TNFSF8: variants seen among roughly 807,000 people sequenced by gnomAD.
TNFSF8 encodes the protein TNF superfamily member 8.
A neutral mutation model predicts 22.0 loss-of-function variants in TNFSF8; 4 were observed. The ratio of observed to expected loss-of-function variants is 0.18; its 90% confidence interval spans 0.09 to 0.42. The LOEUF (loss-of-function observed/expected upper bound fraction) is 0.42. Among genes scored for constraint, TNFSF8 ranks in the 10% least tolerant of loss-of-function variants. The pLI is 1.00. For synonymous variants in TNFSF8, 106 were observed against 112.5 expected (o/e 0.94, Z 0.37); for missense variants, 233 against 281.8 (o/e 0.83, Z 1.24).
intron 1 of TNFSF8, among the ~76,000 whole-genome samples, chr9:114,919,296 G>T (rs922211598): frequency 1.3e-5 from 2 of 151,824 alleles, no homozygotes; most frequent in Admixed American, 6.6e-5. Flanking sequence ...TATTTATTCT[G>T]TAATAAATAT....
chr9:114,895,380 GCAAA>G (rs1329597869), intron 4 of TNFSF8, among the ~76,000 whole-genome samples: 3 of 152,178 alleles, frequency 2.0e-5, no homozygotes, highest in East Asian at 3.8e-4. Flanking sequence ...ACTGCATCTC[GCAAA>G]CAGTCAGTTG....
chr9:114,921,513 T>TA (rs1327458949), intron 1 of TNFSF8, among the ~76,000 whole-genome samples: 1 of 152,196 alleles, frequency 6.6e-6, no homozygotes, highest in African/African-American at 2.4e-5. Context: ...CCCTCTCCCA[T>TA]AAGCAGTCCC....
rs371662866 is a variant in TNFSF8 at position 114,903,917 on chromosome 9, C to G, written c.*14G>C. On this transcript the variant is annotated 3_prime_UTR_variant, in exon 4 of 4. Coordinates refer to ENST00000223795, the MANE Select transcript of TNFSF8 (RefSeq NM_001244.4). The stretch of plus-strand genomic sequence containing the variant: ...TAGAGAGGCGCTTTCTTCCTGAAGG[C>G]CAAGAGAAACTGTTCAGTCTGAATT... The G allele has an allele frequency of 1.3e-6, 2 of 1,591,942 alleles. No homozygotes were observed. The highest frequency in any genetic ancestry group is 1.7e-6 in the Non-Finnish European group (2 of 1,168,940).
chr9:114,913,085 A>G (rs1008681297), intron 2 of TNFSF8, among the ~76,000 whole-genome samples: 4 of 152,178 alleles, frequency 2.6e-5, no homozygotes, highest in African/African-American at 7.2e-5. Context: ...CCTGAGAGGG[A>G]AAGTGAATTG....
chr9:114,918,499 G>A (rs1047723246), intron 1 of TNFSF8, among the ~76,000 whole-genome samples: 7 of 151,684 alleles, frequency 4.6e-5, no homozygotes, highest in Non-Finnish European at 1.0e-4. Context: ...ACCCATGCTG[G>A]AGTGCAGTGG....
intron 2 of TNFSF8, among the ~76,000 whole-genome samples, chr9:114,916,305 G>A (rs1156583992): frequency 1.3e-5 from 2 of 152,174 alleles, no homozygotes; most frequent in African/African-American, 4.8e-5. Flanking sequence ...ACTTTGGACT[G>A]ATGAAAACTT....
rs920755745 is a variant in TNFSF8, at chr9:114,927,261, G to T, written c.195+2848C>A. 2.6e-5 allele frequency among the ~76,000 whole-genome samples: 4 copies of T among 151,164 alleles called. No individual in the cohort carries two copies. In the South Asian group the frequency reaches 6.3e-4, roughly 24 times the overall value. On this transcript the variant is annotated intron_variant, in intron 1 of 3. Coordinates refer to ENST00000223795, the MANE Select transcript of TNFSF8 (RefSeq NM_001244.4). ...GTAACTCAAAGACAGGGATTTTGTT[G>T]TTTTTTTTCAAGGCTTTAGAACAAT...
At chr9:114,893,978 G>A in exon 5 of TNFSF8, 1 of 951,644 alleles carries the variant, frequency 1.1e-6, no homozygotes, top group South Asian at 1.4e-5. Context: ...GTCGGTTTAG[G>A]CCCAGAGTGA....
downstream of TNFSF8, among the ~76,000 whole-genome samples, chr9:114,899,104 G>A (rs1337229496): frequency 2.6e-5 from 4 of 152,182 alleles, no homozygotes; most frequent in Non-Finnish European, 5.9e-5. Flanking sequence ...AAACGAAGCT[G>A]CAGAAAAACC....
At chr9:114,914,795 A>G (rs914193347) in intron 2 of TNFSF8, among the ~76,000 whole-genome samples, 1 of 152,184 alleles carries the variant, frequency 6.6e-6, no homozygotes, top group African/African-American at 2.4e-5. Context: ...TTCCTGGCTT[A>G]CTGCCTGTGA....
intron 3 of TNFSF8, among the ~76,000 whole-genome samples, chr9:114,905,491 T>C (rs3181197): frequency 0.57 from 86,366 of 151,166 alleles, 26,637 homozygotes; most frequent in African/African-American, 0.8. Flanking sequence ...TTTGCTGAAA[T>C]TGGTAGGTAG....
intron 2 of TNFSF8, 40 bp downstream of exon 2, chr9:114,918,056 A>AT: frequency 6.4e-7 from 1 of 1,566,064 alleles, no homozygotes; most frequent in Non-Finnish European, 8.6e-7. Context: ...ATTTATCTAG[A>AT]TGACTTACTA....
At chr9:114,907,775 A>G (rs751935714) in intron 2 of TNFSF8, among the ~76,000 whole-genome samples, 2 of 152,250 alleles carry the variant, frequency 1.3e-5, no homozygotes, top group Admixed American at 6.5e-5. Flanking sequence ...AGTATGCTAC[A>G]TGCATTATTT....
chr9:114,928,310 T>A (rs1489617919), intron 1 of TNFSF8, among the ~76,000 whole-genome samples: 1 of 152,184 alleles, frequency 6.6e-6, no homozygotes, highest in Non-Finnish European at 1.5e-5. Context: ...CATCAAGCAA[T>A]CAAGCAGTAT....
rs980810270 is a variant in TNFSF8 at position 114,930,336 on chromosome 9, T to C, written c.-33A>G. 1 of 1,412,196 alleles carries C rather than the reference T, an allele frequency of 7.1e-7. No individual in the cohort carries two copies. Among genetic ancestry groups the C allele is most frequent in the Non-Finnish European group, 9.4e-7 (1 of 1,066,680 alleles). 87.5% of individuals were successfully genotyped at this position (1,412,196 alleles called of 1,614,324 possible). ...ATAGTCTTCCCCACATCACACCTTA[T>C]CTCTCTTCATCTGATTCAGTTCTGG... On this transcript the variant is annotated 5_prime_UTR_variant, in exon 1 of 4. Transcript: ENST00000223795.
At chr9:114,908,655 A>AG (rs1827814688) in intron 2 of TNFSF8, among the ~76,000 whole-genome samples, 1 of 151,924 alleles carries the variant, frequency 6.6e-6, no homozygotes, top group East Asian at 1.9e-4. Flanking sequence ...GAAAAAAAAA[A>AG]CACCTTATTT....
At chr9:114,922,763 A>G (rs1357723290) in intron 1 of TNFSF8, among the ~76,000 whole-genome samples, 1 of 152,218 alleles carries the variant, frequency 6.6e-6, no homozygotes, top group Non-Finnish European at 1.5e-5. Context: ...ATGGTCTGCC[A>G]AAGTGAGAAG....
chr9:114,928,388 A>T (rs1379765580), intron 1 of TNFSF8, among the ~76,000 whole-genome samples: 2 of 152,164 alleles, frequency 1.3e-5, no homozygotes, highest in Non-Finnish European at 2.9e-5. Context: ...CATTTTCCAC[A>T]TTTACAAAAA....
intron 2 of TNFSF8, 87 bp from the exon 3 acceptor site, chr9:114,905,986 G>A: frequency 1.2e-6 from 1 of 860,654 alleles, no homozygotes; most frequent in Non-Finnish European, 2.0e-6. Context: ...CACTTTGATG[G>A]AGACAATTAC....
Sources: allele counts gnomAD v4.1 joint callset (sites outside exome capture counted in the v4.1 genomes callset), GRCh38; gene constraint gnomAD v4.1.1; transcripts MANE v1.5; gene names NCBI Gene and HGNC (gene_info 2026-07-23, HGNC 2026-07-21).